Variants in KIAA1217 observed in about 807,000 individuals in gnomAD.
KIAA1217 encodes sickle tail protein homolog.
KIAA1217 carries 88 observed loss-of-function variants against 163.9 expected under a neutral mutation model. The ratio of observed to expected loss-of-function variants is 0.54; its 90% CI spans 0.45 to 0.64. The LOEUF is 0.64. Among genes scored for constraint, KIAA1217 ranks in the 30% least tolerant of loss-of-function variants. KIAA1217 has a pLI of 0.00. For synonymous variants in KIAA1217, 903 were observed against 923.1 expected (o/e 0.98, Z 0.39); for missense variants, 2,372 against 2,475.0 (o/e 0.96, Z 0.88).
At chr10:23,839,531 G>T (rs936134125) in intron 1 of KIAA1217, among the ~76,000 whole-genome samples, 1 of 152,038 alleles carries the variant, frequency 6.6e-6, no homozygotes, top group African/African-American at 2.4e-5. Context: ...CAGCAGCCTG[G>T]GTTATTTTAT....
chr10:24,272,190 A>C (rs1280485298), intron 2 of KIAA1217, among the ~76,000 whole-genome samples: 1 of 152,194 alleles, frequency 6.6e-6, no homozygotes, highest in Non-Finnish European at 1.5e-5. Context: ...GTAAAATTAG[A>C]TAAGGGAGAT....
chr10:24,340,841 T>C (rs1330189593), intron 2 of KIAA1217, among the ~76,000 whole-genome samples: 1 of 152,250 alleles, frequency 6.6e-6, no homozygotes, highest in Admixed American at 6.5e-5. Context: ...ATCATAAAGT[T>C]CACTTGGAAA....
intron 2 of KIAA1217, among the ~76,000 whole-genome samples, chr10:24,100,733 A>G (rs956292588): frequency 2.0e-5 from 3 of 152,232 alleles, no homozygotes; most frequent in South Asian, 4.1e-4. Flanking sequence ...TATAGAATAT[A>G]TTTCTAGTAT....
intron 2 of KIAA1217, among the ~76,000 whole-genome samples, chr10:24,173,025 G>T (rs985477745): frequency 4.6e-5 from 7 of 152,194 alleles, no homozygotes; most frequent in African/African-American, 1.7e-4. Flanking sequence ...TGGCCTGTTA[G>T]GAACCAGGCT....
chr10:23,866,773 A>G (rs561966174), intron 1 of KIAA1217, among the ~76,000 whole-genome samples: 59 of 152,176 alleles, frequency 3.9e-4, no homozygotes, highest in African/African-American at 1.4e-3. Context: ...CAGAGACAAC[A>G]CAAGTTGGCC....
intron 1 of KIAA1217, among the ~76,000 whole-genome samples, chr10:23,996,319 G>A (rs1381289088): frequency 6.6e-6 from 1 of 152,166 alleles, no homozygotes. Flanking sequence ...GGATTGACAG[G>A]GAAGGTATTG....
At chr10:24,328,481 T>C (rs1390448623) in intron 2 of KIAA1217, among the ~76,000 whole-genome samples, 2 of 138,460 alleles carry the variant, frequency 1.4e-5, no homozygotes, top group African/African-American at 5.5e-5. Context: ...GTTTTAAGAC[T>C]GGGGCGATCA....
chr10:23,774,851 A>G (rs1029050610), intron 1 of KIAA1217, among the ~76,000 whole-genome samples: 2 of 152,212 alleles, frequency 1.3e-5, no homozygotes, highest in Non-Finnish European at 2.9e-5. Context: ...GTTAAGATAG[A>G]AAGCTTTAAC....
chr10:24,219,849 G>A lies in KIAA1217; in HGVS notation c.294G>A (p.Lys98=), dbSNP rs761069004. The part of the protein sequence containing the change: ...RKREAFLEHL[K]QKYPHHASAI... ...GAGAAGCGTTCCTAGAACATCTGAA[G>A]CAGAAGTACCCCCACCACGCCTCTG... is the stretch of plus-strand genomic sequence containing the variant. Residue 98 remains lysine, a synonymous_variant, in exon 2 of 21, where the codon AAG becomes AAA. Coordinates refer to ENST00000376454, the MANE Select transcript of KIAA1217 (RefSeq NM_019590.5). 208 of 1,613,558 alleles carry A rather than the reference G, an allele frequency of 1.3e-4. 3 individuals are homozygous for A. The South Asian group carries it at 2.2e-3, about 17-fold the overall frequency.
intron 1 of KIAA1217, among the ~76,000 whole-genome samples, chr10:23,812,423 C>T (rs1220182403): frequency 6.6e-6 from 1 of 152,116 alleles, no homozygotes; most frequent in African/African-American, 2.4e-5. Flanking sequence ...GTATTTGGCA[C>T]AGGCCATAGT....
At chr10:24,149,851 G>A (rs568710691) in intron 2 of KIAA1217, among the ~76,000 whole-genome samples, 21 of 151,770 alleles carry the variant, frequency 1.4e-4, no homozygotes, top group Admixed American at 4.6e-4. Context: ...TCAAAATGTC[G>A]CAATACCCCC....
At position 24,113,978 on chromosome 10, in the gene KIAA1217, G is replaced by C. The variant is rs577635237; in HGVS notation, c.-170-105648G>C. On this transcript the variant is annotated intron_variant, in intron 2 of 18. Coordinates refer to the KIAA1217 transcript ENST00000376462. ...CCTTCTAATCATGGGAGTCCTGTGT[G>C]ACTGCTCTGGTCACCTCCCATAAAG... Among the ~76,000 whole-genome samples, 259 of 152,322 alleles carry C rather than the reference G, an allele frequency of 1.7e-3. 1 individual carries two copies. The highest frequency in any genetic ancestry group is 4.8e-3 in the Admixed American group (73 of 15,306).
rs1439890456 is a variant in KIAA1217, at chr10:24,249,349, G to A, written c.354+29440G>A. Among the ~76,000 whole-genome samples, 4 of 152,244 alleles carry A rather than the reference G, an allele frequency of 2.6e-5. No homozygotes were observed. The South Asian group carries it at 6.2e-4, about 24-fold the overall frequency. On this transcript the variant is annotated intron_variant, in intron 2 of 20. Transcript: ENST00000376454. The stretch of plus-strand genomic sequence containing the variant: ...AAACAACTCTACTTAGGGGAAAGGG[G>A]GTAGAATTGAGCCCGTACTGTGCAA...
At chr10:23,720,756 A>G (rs995022245) in intron 1 of KIAA1217, among the ~76,000 whole-genome samples, 1 of 152,194 alleles carries the variant, frequency 6.6e-6, no homozygotes, top group Non-Finnish European at 1.5e-5. Flanking sequence ...CTACTGTAAG[A>G]ATAGTCTGTC....
At chr10:23,806,161 G>A (rs926659150) in intron 1 of KIAA1217, among the ~76,000 whole-genome samples, 1 of 152,116 alleles carries the variant, frequency 6.6e-6, no homozygotes, top group African/African-American at 2.4e-5. Context: ...TGAGGGATGT[G>A]TGTGTGTACA....
intron 5 of KIAA1217, among the ~76,000 whole-genome samples, chr10:24,471,888 A>G (rs2063558045): frequency 7.1e-6 from 1 of 140,136 alleles, no homozygotes; most frequent in Non-Finnish European, 1.6e-5. Flanking sequence ...CTCCATCTCA[A>G]AAAAAAAAAA....
At position 23,819,413 on chromosome 10, in the gene KIAA1217, G is replaced by A. The variant is rs117290785; in HGVS notation, c.-321+124179G>A. On this transcript the variant is annotated intron_variant, in intron 1 of 18. Transcript: ENST00000376462. ...TTCAGGATCAACCTTGAACCTGAAT[G>A]TAATAAGGGAAAGATATGGAGCAGT... Among the ~76,000 whole-genome samples, 49 of 152,248 alleles carry A rather than the reference G, an allele frequency of 3.2e-4. 1 individual carries two copies. In the East Asian group the frequency reaches 7.9e-3, roughly 25 times the overall value.
intron 2 of KIAA1217, among the ~76,000 whole-genome samples, chr10:24,081,980 G>A (rs139889976): frequency 2.2e-3 from 336 of 152,294 alleles, no homozygotes; most frequent in African/African-American, 7.0e-3. Context: ...GTCTACTAGA[G>A]GCACAATATT....
At chr10:24,344,678 G>A (rs1444370260) in intron 2 of KIAA1217, among the ~76,000 whole-genome samples, 1 of 152,182 alleles carries the variant, frequency 6.6e-6, no homozygotes, top group Non-Finnish European at 1.5e-5. Flanking sequence ...AAACAGATCT[G>A]TGCTTAAACA....
Sources: allele counts gnomAD v4.1 joint callset (sites outside exome capture counted in the v4.1 genomes callset), GRCh38; gene constraint gnomAD v4.1.1; transcripts MANE v1.5; gene names NCBI Gene and HGNC (gene_info 2026-07-23, HGNC 2026-07-21).